AUTS2: variants seen among roughly 807,000 people sequenced by gnomAD.
AUTS2 encodes autism susceptibility gene 2 protein.
Under a neutral mutation model 112.4 loss-of-function variants are expected in AUTS2, and 17 were observed. That is an observed-to-expected ratio of 0.15 (90% confidence interval 0.10 to 0.23). The LOEUF (loss-of-function observed/expected upper bound fraction) is 0.23. Ranked by LOEUF, AUTS2 falls within the 10% of genes least tolerant of loss-of-function variation. AUTS2 has a pLI of 1.00. For missense variants in AUTS2, 1,510 were observed against 1,701.6 expected (o/e 0.89, Z 1.98); for synonymous variants, 751 against 702.7 (o/e 1.07, Z -1.09).
At chr7:70,372,288 GT>G (rs1157113418) in intron 4 of AUTS2, among the ~76,000 whole-genome samples, 2 of 152,206 alleles carry the variant, frequency 1.3e-5, no homozygotes, top group Admixed American at 1.3e-4. Context: ...CTTATAGAAG[GT>G]TTAAAATGCA....
chr7:70,312,300 G>C (rs527574561), intron 4 of AUTS2, among the ~76,000 whole-genome samples: 4 of 151,760 alleles, frequency 2.6e-5, no homozygotes, highest in African/African-American at 9.7e-5. Context: ...TTTCTTCTTT[G>C]GGTTATTTTT....
intron 4 of AUTS2, among the ~76,000 whole-genome samples, chr7:70,395,597 T>A (rs1161282194): frequency 6.6e-6 from 1 of 152,234 alleles, no homozygotes; most frequent in Non-Finnish European, 1.5e-5. Context: ...CCTGGTCTAC[T>A]GGATGATCTT....
intron 4 of AUTS2, among the ~76,000 whole-genome samples, chr7:70,175,343 T>G: frequency 6.6e-6 from 1 of 152,222 alleles, no homozygotes; most frequent in East Asian, 1.9e-4. Context: ...AGTGTTTTCT[T>G]GAGATGGAGT....
At chr7:70,618,290 C>T (rs948693752) in intron 5 of AUTS2, among the ~76,000 whole-genome samples, 2 of 152,154 alleles carry the variant, frequency 1.3e-5, no homozygotes, top group Non-Finnish European at 2.9e-5. Context: ...CTGTATGAGA[C>T]GAGGAGGCCG....
intron 5 of AUTS2, among the ~76,000 whole-genome samples, chr7:70,586,645 C>T (rs1585337445): frequency 1.3e-5 from 2 of 152,238 alleles, no homozygotes; most frequent in East Asian, 1.9e-4. Flanking sequence ...TGATGTTTCT[C>T]GAGTTCTCAG....
chr7:70,409,329 G>A (rs1562940884), intron 4 of AUTS2, among the ~76,000 whole-genome samples: 1 of 150,530 alleles, frequency 6.6e-6, no homozygotes, highest in Non-Finnish European at 1.5e-5. Flanking sequence ...TGGTGTATTA[G>A]TATATATATA....
At chr7:69,640,732 C>T (rs1292165693) in intron 1 of AUTS2, among the ~76,000 whole-genome samples, 2 of 152,130 alleles carry the variant, frequency 1.3e-5, no homozygotes, top group Admixed American at 1.3e-4. Flanking sequence ...ATTCCACTCT[C>T]CCATGACACA....
intron 1 of AUTS2, among the ~76,000 whole-genome samples, chr7:69,641,041 GT>G (rs1452499027): frequency 3.9e-5 from 6 of 152,212 alleles, no homozygotes; most frequent in African/African-American, 1.4e-4. Flanking sequence ...AAGTTGAATG[GT>G]AGCATTTTAA....
chr7:69,876,504 A>T (rs1380560238), intron 1 of AUTS2, among the ~76,000 whole-genome samples: 1 of 12,546 alleles, frequency 8.0e-5, no homozygotes, highest in Admixed American at 7.4e-4. Flanking sequence ...ATATATATAT[A>T]TATATATATA....
intron 5 of AUTS2, among the ~76,000 whole-genome samples, chr7:70,643,518 C>T (rs1805970927): frequency 1.3e-5 from 2 of 152,152 alleles, no homozygotes; most frequent in South Asian, 4.2e-4. Context: ...TTGCAGTGAG[C>T]TGGGATTACG....
At chr7:70,592,515 C>G (rs1802997503) in intron 5 of AUTS2, among the ~76,000 whole-genome samples, 1 of 152,020 alleles carries the variant, frequency 6.6e-6, no homozygotes, top group Admixed American at 6.6e-5. Flanking sequence ...GTGTGTGCCA[C>G]CATACCCAGT....
intron 1 of AUTS2, among the ~76,000 whole-genome samples, chr7:69,763,766 C>CT (rs1342192933): frequency 6.6e-6 from 1 of 152,180 alleles, no homozygotes; most frequent in African/African-American, 2.4e-5. Context: ...TTGGCATGTG[C>CT]TGCTGTGGTT....
intron 2 of AUTS2, among the ~76,000 whole-genome samples, chr7:69,958,143 G>T (rs1315649003): frequency 6.6e-6 from 1 of 152,154 alleles, no homozygotes; most frequent in Admixed American, 6.5e-5. Context: ...ATCTTCAACA[G>T]CAGGAGTTGG....
intron 1 of AUTS2, among the ~76,000 whole-genome samples, chr7:69,884,877 A>G (rs1166748621): frequency 6.6e-6 from 1 of 152,210 alleles, no homozygotes; most frequent in Non-Finnish European, 1.5e-5. Context: ...ATATAGCTTG[A>G]GGAGTTTATT....
At chr7:70,028,916 C>T (rs935855101) in intron 2 of AUTS2, among the ~76,000 whole-genome samples, 35 of 152,084 alleles carry the variant, frequency 2.3e-4, no homozygotes, top group African/African-American at 8.4e-4. Context: ...CAGTATGCCC[C>T]CTACTTGGTT....
chr7:69,635,120 C>G (rs1236697906), intron 1 of AUTS2, among the ~76,000 whole-genome samples: 1 of 152,062 alleles, frequency 6.6e-6, no homozygotes, highest in East Asian at 1.9e-4. Flanking sequence ...CTCTAGGTCT[C>G]TTCTCATAGT....
chr7:70,156,561 C>G (rs1562746602), intron 4 of AUTS2, among the ~76,000 whole-genome samples: 1 of 152,064 alleles, frequency 6.6e-6, no homozygotes, highest in Non-Finnish European at 1.5e-5. Flanking sequence ...AAGCAGATCT[C>G]CTGTGGAGGT....
intron 4 of AUTS2, among the ~76,000 whole-genome samples, chr7:70,434,772 T>C (rs1795821313): frequency 6.6e-6 from 1 of 152,190 alleles, no homozygotes; most frequent in Non-Finnish European, 1.5e-5. Flanking sequence ...AAGGCTCCTT[T>C]AGAGCCAGGC....
chr7:70,606,822 A>C (rs939505155), intron 5 of AUTS2, among the ~76,000 whole-genome samples: 5 of 150,290 alleles, frequency 3.3e-5, no homozygotes, highest in African/African-American at 9.8e-5. Context: ...AGATTGTGCC[A>C]CTGTACTCCA....
Sources: allele counts gnomAD v4.1 joint callset (sites outside exome capture counted in the v4.1 genomes callset), GRCh38; gene constraint gnomAD v4.1.1; transcripts MANE v1.5; gene names NCBI Gene and HGNC (gene_info 2026-07-23, HGNC 2026-07-21).